Variants in HPSE2 observed in about 807,000 individuals in gnomAD.
The protein encoded by HPSE2 is heparanase 2 (inactive).
Under a neutral mutation model 60.5 loss-of-function variants are expected in HPSE2, and 38 were observed. The observed-to-expected ratio is 0.63, with a 90% CI of 0.48 to 0.82. The LOEUF (loss-of-function observed/expected upper bound fraction) is 0.82, where lower values mean the gene tolerates loss of function less well. HPSE2 is among the 40% of genes least tolerant of loss of function. The pLI is 0.00. For missense variants in HPSE2, 713 were observed against 740.4 expected (o/e 0.96, Z 0.43); for synonymous variants, 295 against 293.2 (o/e 1.01, Z -0.06).
intron 3 of HPSE2, among the ~76,000 whole-genome samples, chr10:99,032,208 A>G (rs1441135370): frequency 6.6e-6 from 1 of 152,180 alleles, no homozygotes; most frequent in Non-Finnish European, 1.5e-5. Flanking sequence ...CAGCAGACAC[A>G]CATTTGCACA....
chr10:98,743,853 C>T (rs1949560677), intron 4 of HPSE2, 30 bp downstream of exon 4: 1 of 1,592,078 alleles, frequency 6.3e-7, no homozygotes, highest in Admixed American at 1.7e-5. Flanking sequence ...TTTATTTTGT[C>T]AATTCAGAGG....
At chr10:99,305,959 ACACGCGCGCGCGCGCGCGCG>A in the HPSE2 span, among the ~76,000 whole-genome samples, 4 of 29,678 alleles carry the variant, frequency 1.3e-4, no homozygotes, top group Non-Finnish European at 3.5e-4. Context: ...AAACTCACAC[ACACGCGCGCGCGCGCGCGCG>A]CACACACACA....
At chr10:98,667,212 T>C (rs1274437694) in intron 6 of HPSE2, among the ~76,000 whole-genome samples, 1 of 151,970 alleles carries the variant, frequency 6.6e-6, no homozygotes, top group East Asian at 1.9e-4. Context: ...ACACAACCTC[T>C]CAAGATTGAA....
chr10:98,670,503 A>C (rs1413439509), intron 6 of HPSE2, among the ~76,000 whole-genome samples: 1 of 152,224 alleles, frequency 6.6e-6, no homozygotes, highest in Non-Finnish European at 1.5e-5. Flanking sequence ...AAAATTCAAG[A>C]TCTGAAATGC....
At chr10:99,153,729 G>A (rs941175811) in intron 2 of HPSE2, among the ~76,000 whole-genome samples, 4 of 152,218 alleles carry the variant, frequency 2.6e-5, no homozygotes, top group African/African-American at 7.2e-5. Flanking sequence ...TTCCTCACCA[G>A]CAACAGAACA....
chr10:98,991,571 T>C (rs1956525255), intron 3 of HPSE2, among the ~76,000 whole-genome samples: 1 of 152,126 alleles, frequency 6.6e-6, no homozygotes, highest in Non-Finnish European at 1.5e-5. Context: ...TGCAAGATGG[T>C]AGCTTTCATC....
Position 98,989,433 on chromosome 10 carries a change from G to A in HPSE2, c.610+154805C>T, listed in dbSNP as rs1471363707. The stretch of plus-strand genomic sequence containing the variant: ...ACACTGCATGTTCTCACTCATAGGT[G>A]GGAATTGAACAATGAGAACACATGG... On this transcript the variant is annotated intron_variant, in intron 3 of 11. Coordinates refer to ENST00000370552, the MANE Select transcript of HPSE2 (RefSeq NM_021828.5). Among the ~76,000 whole-genome samples the A allele has an allele frequency of 6.0e-5, 9 of 150,922 alleles. No homozygotes were observed. The South Asian group carries it at 1.9e-3, about 32-fold the overall frequency.
At chr10:99,149,165 G>C (rs1738237687) in intron 2 of HPSE2, among the ~76,000 whole-genome samples, 1 of 152,090 alleles carries the variant, frequency 6.6e-6, no homozygotes, top group African/African-American at 2.4e-5. Context: ...AACATTATGG[G>C]AGTACCCAAG....
intron 3 of HPSE2, among the ~76,000 whole-genome samples, chr10:98,881,874 C>G (rs561952256): frequency 6.6e-6 from 1 of 151,112 alleles, no homozygotes; most frequent in Non-Finnish European, 1.5e-5. Flanking sequence ...AGTAAATATT[C>G]ACTCCTCCCT....
intron 3 of HPSE2, among the ~76,000 whole-genome samples, chr10:99,063,556 G>A (rs1842516790): frequency 6.6e-6 from 1 of 152,138 alleles, no homozygotes; most frequent in Admixed American, 6.5e-5. Flanking sequence ...CAATTTCCCT[G>A]TACTGTTTAA....
the HPSE2 span, among the ~76,000 whole-genome samples, chr10:99,271,261 T>C: frequency 6.6e-6 from 1 of 152,190 alleles, no homozygotes; most frequent in Non-Finnish European, 1.5e-5. Context: ...AAAAAGCTCC[T>C]AGAGCTAGTA....
intron 2 of HPSE2, among the ~76,000 whole-genome samples, chr10:99,179,858 A>G (rs934081880): frequency 1.3e-5 from 2 of 152,204 alleles, no homozygotes; most frequent in Non-Finnish European, 2.9e-5. Flanking sequence ...TTGACTTCAA[A>G]CTATACTGAA....
At position 99,154,397 on chromosome 10, in the gene HPSE2, G is replaced by T. The variant is rs1226073325; in HGVS notation, c.449-9998C>A. On this transcript the variant is annotated intron_variant, in intron 2 of 11. Transcript: ENST00000370552. The stretch of plus-strand genomic sequence containing the variant: ...AAGGGAAGCCCATCAGACTAACAGT[G>T]GATCTCTCGGCAGAAACCCTACAAG... 9.7e-5 allele frequency among the ~76,000 whole-genome samples: 6 copies of T among 61,608 alleles called. 1 individual carries two copies. Among genetic ancestry groups the T allele is most frequent in the South Asian group, 1.0e-3 (1 of 996 alleles). The allele number at this position is 61,608 out of a possible 152,430, so 40.4% of individuals were successfully genotyped here.
chr10:98,670,632 A>C (rs1160335131), intron 6 of HPSE2, among the ~76,000 whole-genome samples: 1 of 152,264 alleles, frequency 6.6e-6, no homozygotes, highest in African/African-American at 2.4e-5. Flanking sequence ...CGCCAGGCCC[A>C]AAACCAGGCC....
the HPSE2 span, among the ~76,000 whole-genome samples, chr10:99,302,213 A>G: frequency 2.6e-5 from 4 of 152,234 alleles, no homozygotes; most frequent in Admixed American, 1.3e-4. Context: ...GGGCCCTCCA[A>G]TTAGGAAAAG....
At chr10:98,723,803 T>G (rs927198244) in intron 4 of HPSE2, among the ~76,000 whole-genome samples, 1 of 152,198 alleles carries the variant, frequency 6.6e-6, no homozygotes, top group African/African-American at 2.4e-5. Flanking sequence ...GTGGGATCGG[T>G]GGTGATATCC....
At chr10:99,048,364 C>CT in intron 3 of HPSE2, 1 of 251,498 alleles carries the variant, frequency 4.0e-6, no homozygotes, top group Non-Finnish European at 7.7e-6. Flanking sequence ...TGCTCTCAAA[C>CT]TGAAAAAAAA....
At chr10:98,978,661 A>T (rs1426748618) in intron 3 of HPSE2, among the ~76,000 whole-genome samples, 1 of 152,202 alleles carries the variant, frequency 6.6e-6, no homozygotes, top group African/African-American at 2.4e-5. Context: ...ACAGTATTAA[A>T]GCATGTGACA....
At chr10:98,638,163 A>C (rs574935996) in intron 7 of HPSE2, among the ~76,000 whole-genome samples, 7 of 140,712 alleles carry the variant, frequency 5.0e-5, no homozygotes, top group African/African-American at 1.6e-4. Flanking sequence ...AAAAAAAAAA[A>C]GGCTGGGTGC....
Sources: allele counts gnomAD v4.1 joint callset (sites outside exome capture counted in the v4.1 genomes callset), GRCh38; gene constraint gnomAD v4.1.1; transcripts MANE v1.5; gene names NCBI Gene and HGNC (gene_info 2026-07-23, HGNC 2026-07-21).